BRDT: variants seen among roughly 807,000 people sequenced by gnomAD.
The protein encoded by BRDT is bromodomain testis-specific protein.
A neutral mutation model predicts 113.9 loss-of-function variants in BRDT; 77 were observed. The observed-to-expected ratio is 0.68, with a 90% CI of 0.56 to 0.82. The LOEUF is 0.82. Ranked by LOEUF, BRDT falls within the 40% of genes least tolerant of loss-of-function variation. BRDT has a pLI of 0.00. For missense variants in BRDT, 1,027 were observed against 1,105.4 expected, an observed-to-expected ratio of 0.93 and a Z score of 1.01; for synonymous variants, 358 against 366.5, an observed-to-expected ratio of 0.98 and a Z score of 0.26.
intron 6 of BRDT, 120 bp from the exon 7 acceptor site, chr1:91,978,048 A>T: frequency 1.0e-6 from 1 of 961,266 alleles, no homozygotes; most frequent in Non-Finnish European, 1.5e-6. Context: ...TCAAATCTGG[A>T]TGGTGGACAA....
At chr1:91,987,675 T>TTTTTTA (rs1398278709) in intron 12 of BRDT, among the ~76,000 whole-genome samples, 1 of 125,646 alleles carries the variant, frequency 8.0e-6, no homozygotes, top group Non-Finnish European at 1.9e-5. Context: ...TTTGTTTTTT[T>TTTTTTA]AAATCATATT....
At chr1:91,958,307 C>T (rs1395059841) in intron 1 of BRDT, among the ~76,000 whole-genome samples, 1 of 149,588 alleles carries the variant, frequency 6.7e-6, no homozygotes, top group East Asian at 2.0e-4. Flanking sequence ...CCTTTGTCTC[C>T]AGGGTTCAAG....
chr1:91,992,315 G>C lies in BRDT; in HGVS notation c.2115+1G>C. ...TGAAGGAAGAACAGGCGTCACACAG[G>C]TAATGCTTAAAATGTGTTTTAAAGA... is the stretch of plus-strand genomic sequence containing the variant. On this transcript the variant is annotated splice_donor_variant, in intron 14 of 18. Transcript: ENST00000399546. LOFTEE classifies it high-confidence loss of function. The C allele has an allele frequency of 6.8e-7, 1 of 1,463,422 alleles. No homozygotes were observed. Among genetic ancestry groups the C allele is most frequent in the Non-Finnish European group, 9.1e-7 (1 of 1,096,992 alleles). The allele number at this position is 1,463,422 out of a possible 1,614,324, so 90.7% of individuals were successfully genotyped here.
chr1:91,983,483 T>C (rs1684905174), intron 12 of BRDT, among the ~76,000 whole-genome samples: 1 of 152,040 alleles, frequency 6.6e-6, no homozygotes, highest in South Asian at 2.1e-4. Context: ...CTCGATCTCC[T>C]GACCTTGTGA....
At chr1:91,967,600 G>A (rs1182842633) in intron 3 of BRDT, among the ~76,000 whole-genome samples, 2 of 152,236 alleles carry the variant, frequency 1.3e-5, no homozygotes, top group East Asian at 1.9e-4. Context: ...GTTTCTCCAC[G>A]TTTGTCAGGC....
rs900304354 is a variant in BRDT at position 91,994,000 on chromosome 1, T to C, written c.2116-83T>C. On this transcript the variant is annotated intron_variant, in intron 14 of 18. Coordinates refer to ENST00000399546, the MANE Select transcript of BRDT (RefSeq NM_207189.4). ...TTAAAAAGGTAGCATTAAATTATAT[T>C]CTTGACTCTTGTGTTTCTGTTCTCT... is the stretch of plus-strand genomic sequence containing the variant. The C allele has an allele frequency of 3.6e-6, 4 of 1,110,126 alleles. No individual in the cohort carries two copies. The African/African-American group carries it at 4.9e-5, about 13-fold the overall frequency. The allele number at this position is 1,110,126 out of a possible 1,614,324, so 68.8% of individuals were successfully genotyped here.
chr1:91,988,202 A>T (rs187014429), intron 12 of BRDT, among the ~76,000 whole-genome samples: 288 of 152,150 alleles, frequency 1.9e-3, no homozygotes, highest in African/African-American at 5.8e-3. Flanking sequence ...AAAGTTTTAT[A>T]TTGAGTTTTT....
intron 18 of BRDT, among the ~76,000 whole-genome samples, chr1:92,011,664 C>T (rs1414742232): frequency 1.3e-5 from 2 of 152,126 alleles, no homozygotes; most frequent in African/African-American, 4.8e-5. Flanking sequence ...ACTAGGTAAC[C>T]TGATAAATTT....
chr1:91,985,563 G>C (rs528845603), intron 12 of BRDT, among the ~76,000 whole-genome samples: 2 of 151,278 alleles, frequency 1.3e-5, no homozygotes, highest in Non-Finnish European at 2.9e-5. Flanking sequence ...ATAGCAATTT[G>C]GCTATATGCA....
At chr1:91,962,050 C>T (rs1261216202) in intron 1 of BRDT, among the ~76,000 whole-genome samples, 1 of 147,076 alleles carries the variant, frequency 6.8e-6, no homozygotes, top group Non-Finnish European at 1.5e-5. Flanking sequence ...GAGGCGGAGG[C>T]AGGAGAATGG....
At position 92,013,730 on chromosome 1, in the gene BRDT, CAGTT is replaced by C. The variant is rs1188442866; in HGVS notation, c.2776-472_2776-469del. On this transcript the variant is annotated intron_variant, in intron 18 of 18. Coordinates refer to ENST00000399546, the MANE Select transcript of BRDT (RefSeq NM_207189.4). The stretch of plus-strand genomic sequence containing the variant: ...TATACATAGAATAGACTAGGTTACA[CAGTT>C]AGTAAGTGGCAGAATCAAGGAAAGC... Among the ~76,000 whole-genome samples the C allele has an allele frequency of 2.0e-5, 3 of 152,174 alleles. No individual in the cohort carries two copies. The East Asian group carries it at 5.8e-4, about 29-fold the overall frequency.
rs1684646351 is a variant in BRDT, at chr1:91,980,801, A to G, written c.1446A>G (p.Glu482=). 3 of 1,597,092 alleles carry G rather than the reference A, an allele frequency of 1.9e-6. No individual in the cohort carries two copies. The highest frequency in any genetic ancestry group is 2.6e-6 in the Non-Finnish European group (3 of 1,176,228). Residue 482 remains glutamate (E), a synonymous_variant, in exon 9 of 19, where the codon GAA becomes GAG. Transcript: ENST00000399546. ...RKMCEQMRLK[E]KSKRNQPKKR... is the part of the protein sequence containing the mutation. The stretch of plus-strand genomic sequence containing the variant: ...TGTGTGAGCAAATGAGGCTAAAGGA[A>G]AAGTCCAAGAGAAAGTAAGTATCTT...
Position 91,962,726 on chromosome 1 carries a change from C to CTTGTA in BRDT, c.-28_-24dup. The CTTGTA allele has an allele frequency of 4.6e-6, 7 of 1,536,818 alleles. No homozygotes were observed. The highest frequency in any genetic ancestry group is 5.2e-6 in the Non-Finnish European group (6 of 1,144,336). The stretch of plus-strand genomic sequence containing the variant: ...CAGTTTTTGTTTTTCAGGACATGTA[C>CTTGTA]TTGTAGACAGGATTCAAAGCAGTTA... On this transcript the variant is annotated 5_prime_UTR_variant, in exon 2 of 19. The change abolishes the stop of an existing upstream ORF in the 5' untranslated region. Transcript: ENST00000399546.
At chr1:91,997,654 A>C (rs1487883509) in intron 15 of BRDT, among the ~76,000 whole-genome samples, 5 of 152,254 alleles carry the variant, frequency 3.3e-5, no homozygotes, top group Non-Finnish European at 5.9e-5. Flanking sequence ...ACCTTCAGTA[A>C]GGATCAGTTT....
At chr1:91,997,167 A>G (rs1018376412) in intron 15 of BRDT, among the ~76,000 whole-genome samples, 5 of 152,126 alleles carry the variant, frequency 3.3e-5, no homozygotes, top group African/African-American at 1.2e-4. Flanking sequence ...CAGAGCATTT[A>G]AGTAGGATGA....
intron 15 of BRDT, among the ~76,000 whole-genome samples, chr1:91,995,306 A>G (rs1387381893): frequency 6.6e-6 from 1 of 152,152 alleles, no homozygotes; most frequent in Admixed American, 6.5e-5. Flanking sequence ...CTAGCAGAAT[A>G]AATTTCCAAG....
chr1:91,987,572 A>C lies in BRDT; in HGVS notation c.2003-3612A>C, dbSNP rs117724858. Among the ~76,000 whole-genome samples, 286 of 150,928 alleles carry C rather than the reference A, an allele frequency of 1.9e-3. 3 individuals are homozygous for C. In the East Asian group the frequency reaches 0.036, roughly 19 times the overall value. ...AGGCTGGTCTCGAACACCTGACCTC[A>C]TGGTCTGCCCACCTCAGCCTGCCTC... On this transcript the variant is annotated intron_variant, in intron 12 of 18. Transcript: ENST00000399546.
At chr1:91,957,218 G>T (rs1349929629) in intron 1 of BRDT, among the ~76,000 whole-genome samples, 1 of 152,160 alleles carries the variant, frequency 6.6e-6, no homozygotes, top group Non-Finnish European at 1.5e-5. Context: ...TTTTGGCCGG[G>T]GGCAGTGGCT....
At chr1:92,013,217 C>CA (rs11396195) in intron 18 of BRDT, among the ~76,000 whole-genome samples, 99,713 of 133,928 alleles carry the variant, frequency 0.74, 36,913 homozygotes, top group Non-Finnish European at 0.82. Flanking sequence ...CACAATGTTT[C>CA]AAAAAAAAAA....
Sources: allele counts gnomAD v4.1 joint callset (sites outside exome capture counted in the v4.1 genomes callset), GRCh38; gene constraint gnomAD v4.1.1; transcripts MANE v1.5; gene names NCBI Gene and HGNC (gene_info 2026-07-23, HGNC 2026-07-21).